The following GNAO1 variants were observed in gnomAD, a reference collection of about 807,000 sequenced individuals.
GNAO1 encodes the protein guanine nucleotide-binding protein G(o) subunit alpha.
For synonymous variants in GNAO1, 164 were observed against 180.7 expected, an observed-to-expected ratio of 0.91 and a Z score of 0.74; for missense variants, 166 against 478.7, an observed-to-expected ratio of 0.35 and a Z score of 6.10.
intron 3 of GNAO1, among the ~76,000 whole-genome samples, chr16:56,287,581 C>T (rs2037185876): frequency 6.6e-6 from 1 of 152,254 alleles, no homozygotes; most frequent in South Asian, 2.1e-4. Context: ...GCCCATACCT[C>T]ACTGCCTGTT....
At chr16:56,346,663 G>C in intron 6 of GNAO1, 1 of 985,350 alleles carries the variant, frequency 1.0e-6, no homozygotes, top group Non-Finnish European at 1.2e-6. Flanking sequence ...GTTCCATGGG[G>C]ACCCTAGAGC....
At chr16:56,272,384 A>T (rs1205125337) in intron 2 of GNAO1, among the ~76,000 whole-genome samples, 1 of 152,200 alleles carries the variant, frequency 6.6e-6, no homozygotes, top group Non-Finnish European at 1.5e-5. Flanking sequence ...ATTACATTGT[A>T]GTAGAAGGGG....
intron 2 of GNAO1, among the ~76,000 whole-genome samples, chr16:56,265,786 T>C (rs145867692): frequency 4.9e-4 from 75 of 152,296 alleles, no homozygotes; most frequent in Middle Eastern, 3.4e-3. Flanking sequence ...CGAATGTGTT[T>C]TTTTTTAACA....
rs568400453 is a variant in GNAO1 at position 56,311,862 on chromosome 16, AG to A, written c.304-16767del. Among the ~76,000 whole-genome samples, 29 of 152,282 alleles carry A rather than the reference AG, an allele frequency of 1.9e-4. No individual in the cohort carries two copies. The highest frequency in any genetic ancestry group is 6.3e-4 in the African/African-American group (26 of 41,562). On this transcript the variant is annotated intron_variant, in intron 3 of 8. Coordinates refer to ENST00000262493, the MANE Select transcript of GNAO1 (RefSeq NM_020988.3). The surrounding 1 kb of genome is among the most constrained non-coding windows in gnomAD (Gnocchi z 5.2). ...CTGCCTCACCTGTGTTTTAGTTGAC[AG>A]GAGTATTTGTCACCCTTGTTTTTAC...
chr16:56,331,484 A>G (rs1265826454), intron 4 of GNAO1, among the ~76,000 whole-genome samples: 3 of 152,166 alleles, frequency 2.0e-5, no homozygotes, highest in African/African-American at 7.2e-5. Context: ...CTCATAGCCC[A>G]GTCCTATCCT....
At position 56,266,513 on chromosome 16, in the gene GNAO1, G is replaced by C. The variant is rs113656229; in HGVS notation, c.162-9418G>C. ...GCCAGTCATTCAAAACATGGATACTGTCTGGCCCCCCAGCACCACATTCAG... is the reference window on the plus strand; with the variant it reads ...GCCAGTCATTCAAAACATGGATACTCTCTGGCCCCCCAGCACCACATTCAG... On this transcript the variant is annotated intron_variant, in intron 2 of 8. Coordinates refer to ENST00000262493, the MANE Select transcript of GNAO1 (RefSeq NM_020988.3). 5.8e-3 allele frequency among the ~76,000 whole-genome samples: 877 copies of C among 152,316 alleles called. 7 individuals are homozygous for C. The highest frequency in any genetic ancestry group is 0.02 in the African/African-American group (832 of 41,558).
chr16:56,278,192 G>A lies in GNAO1; in HGVS notation c.303+2120G>A, dbSNP rs149670783. 1.9e-3 allele frequency among the ~76,000 whole-genome samples: 292 copies of A among 152,322 alleles called. 2 individuals carry two copies. Among genetic ancestry groups the A allele is most frequent in the African/African-American group, 6.1e-3 (255 of 41,562 alleles). ...AGGCTCCAATGGAAGGAGAGACTGA[G>A]AGCTAAGCGGGACTCCCTGGAGAGT... On this transcript the variant is annotated intron_variant, in intron 3 of 8. Coordinates refer to ENST00000262493, the MANE Select transcript of GNAO1 (RefSeq NM_020988.3).
chr16:56,204,614 G>A (rs1366503789), intron 2 of GNAO1, among the ~76,000 whole-genome samples: 1 of 152,212 alleles, frequency 6.6e-6, no homozygotes, highest in Non-Finnish European at 1.5e-5. Context: ...AATTCTGGGT[G>A]GCGAGCAGGG....
At chr16:56,318,097 C>CAGAG (rs2037531114) in intron 3 of GNAO1, among the ~76,000 whole-genome samples, 1 of 152,304 alleles carries the variant, frequency 6.6e-6, no homozygotes, top group Non-Finnish European at 1.5e-5. Flanking sequence ...GAGTCACAGG[C>CAGAG]AGAGAGCCAT....
intron 2 of GNAO1, among the ~76,000 whole-genome samples, chr16:56,249,665 A>G (rs1457546284): frequency 2.6e-5 from 4 of 152,234 alleles, no homozygotes; most frequent in Admixed American, 6.5e-5. Flanking sequence ...GAAATTAAGC[A>G]GGCCCACGGT....
intron 2 of GNAO1, among the ~76,000 whole-genome samples, chr16:56,195,657 T>C (rs1477140292): frequency 6.6e-6 from 1 of 152,254 alleles, no homozygotes; most frequent in Non-Finnish European, 1.5e-5. Flanking sequence ...ACAGATGAAA[T>C]TCAGCAGAAA....
intron 8 of GNAO1, chr16:56,355,411 T>C (rs2037959207): frequency 6.6e-6 from 1 of 152,296 alleles, no homozygotes; most frequent in Non-Finnish European, 1.5e-5. Context: ...CTTTTGAGGA[T>C]AGCCCCGGGG....
chr16:56,247,410 C>G (rs907645193), intron 2 of GNAO1, among the ~76,000 whole-genome samples: 9 of 151,886 alleles, frequency 5.9e-5, no homozygotes. Flanking sequence ...CTCTGAGCCC[C>G]TTTAAAACAT....
intron 3 of GNAO1, among the ~76,000 whole-genome samples, chr16:56,295,589 C>T (rs1370055855): frequency 6.6e-6 from 1 of 152,144 alleles, no homozygotes; most frequent in Non-Finnish European, 1.5e-5. Context: ...ACCTTTCTCC[C>T]AGTTATCCAA....
intron 6 of GNAO1, among the ~76,000 whole-genome samples, chr16:56,341,295 GAGA>G (rs2143677533): frequency 6.6e-6 from 1 of 152,342 alleles, no homozygotes; most frequent in South Asian, 2.1e-4. Context: ...AGCAAACGCC[GAGA>G]AGATGAGGGG....
intron 3 of GNAO1, 139 bp from the exon 4 acceptor site, chr16:56,328,492 G>A: frequency 1.2e-6 from 1 of 813,084 alleles, no homozygotes; most frequent in East Asian, 2.6e-5. Flanking sequence ...CCTCCCTGGA[G>A]CAGGCTGTGG....
chr16:56,316,813 G>A (rs1420503116), intron 3 of GNAO1, among the ~76,000 whole-genome samples: 2 of 152,192 alleles, frequency 1.3e-5, no homozygotes, highest in African/African-American at 2.4e-5. Flanking sequence ...ACACAGAGAC[G>A]TCCTCCAATC....
At chr16:56,245,069 C>T (rs781299688) in intron 2 of GNAO1, among the ~76,000 whole-genome samples, 32 of 152,106 alleles carry the variant, frequency 2.1e-4, no homozygotes, top group Non-Finnish European at 4.1e-4. Flanking sequence ...TTAGAATCAG[C>T]CTACACTAGA....
intron 6 of GNAO1, chr16:56,346,270 G>A: frequency 1.0e-6 from 1 of 985,486 alleles, no homozygotes. Context: ...GGTGACAAAT[G>A]AGATTTGGCT....
Sources: gnomAD v4.1 joint callset for allele counts (sites outside exome capture counted in the v4.1 genomes callset) on GRCh38, gnomAD v4.1.1 for gene constraint, Gnocchi (gnomAD v3.1) non-coding constraint, MANE v1.5 for transcripts, NCBI Gene and HGNC (gene_info 2026-07-23, HGNC 2026-07-21) for gene names.